CACNB2: variants seen among roughly 807,000 people sequenced by gnomAD.
The protein encoded by CACNB2 is calcium voltage-gated channel auxiliary subunit beta 2.
Under a neutral mutation model 73.3 loss-of-function variants are expected in CACNB2, and 42 were observed. That is an observed-to-expected ratio of 0.57 (90% CI 0.45 to 0.74). The LOEUF (loss-of-function observed/expected upper bound fraction) is 0.74, where lower values mean the gene tolerates loss of function less well. Ranked by LOEUF, CACNB2 falls within the 30% of genes least tolerant of loss-of-function variation. CACNB2 has a pLI of 0.00. For synonymous variants in CACNB2, 348 were observed against 310.3 expected (o/e 1.12, Z -1.28); for missense variants, 940 against 853.0 (o/e 1.10, Z -1.27).
chr10:18,245,479 A>G (rs2036826148), intron 2 of CACNB2, among the ~76,000 whole-genome samples: 1 of 151,948 alleles, frequency 6.6e-6, no homozygotes, highest in Admixed American at 6.6e-5. Context: ...GCACCATCAT[A>G]CCTGGCTAAT....
intron 9 of CACNB2, 42 bp from the exon 10 acceptor site, chr10:18,527,546 A>G: frequency 1.6e-6 from 2 of 1,281,814 alleles, no homozygotes; most frequent in Non-Finnish European, 2.3e-6. Context: ...CTTTGATTAG[A>G]CCAATAACCT....
At chr10:18,309,701 C>T (rs2039885104) in intron 2 of CACNB2, among the ~76,000 whole-genome samples, 1 of 152,146 alleles carries the variant, frequency 6.6e-6, no homozygotes, top group African/African-American at 2.4e-5. Context: ...TTATGATCCA[C>T]CCGCCTCAGC....
chr10:18,519,515 A>G (rs964426767), intron 9 of CACNB2, among the ~76,000 whole-genome samples: 5 of 152,106 alleles, frequency 3.3e-5, no homozygotes, highest in African/African-American at 9.7e-5. Context: ...GCAAGGGCCA[A>G]CCCACCATGT....
At chr10:18,279,621 AT>A (rs1406475203) in intron 2 of CACNB2, among the ~76,000 whole-genome samples, 3 of 152,244 alleles carry the variant, frequency 2.0e-5, no homozygotes, top group Non-Finnish European at 2.9e-5. Context: ...AAGGGTTGGC[AT>A]TTAGTTACTA....
chr10:18,277,487 C>T (rs951608797), intron 2 of CACNB2, among the ~76,000 whole-genome samples: 13 of 152,126 alleles, frequency 8.5e-5, no homozygotes, highest in Non-Finnish European at 1.2e-4. Flanking sequence ...TCTAATACAA[C>T]GAGGAAAATA....
At chr10:18,478,390 C>T (rs774913281) in intron 3 of CACNB2, among the ~76,000 whole-genome samples, 10 of 152,152 alleles carry the variant, frequency 6.6e-5, no homozygotes, top group Non-Finnish European at 1.0e-4. Context: ...TCTCCAATTG[C>T]GACATTCTTC....
At chr10:18,175,214 T>C (rs1221475019) in intron 2 of CACNB2, among the ~76,000 whole-genome samples, 4 of 152,210 alleles carry the variant, frequency 2.6e-5, no homozygotes, top group Non-Finnish European at 4.4e-5. Flanking sequence ...GTTTGAAATA[T>C]GTATTTACAG....
chr10:18,202,346 C>A (rs960212742), intron 2 of CACNB2, among the ~76,000 whole-genome samples: 6 of 152,182 alleles, frequency 3.9e-5, no homozygotes, highest in Admixed American at 3.3e-4. Flanking sequence ...TTTCTAGTTT[C>A]TTCTCTGGCT....
intron 2 of CACNB2, among the ~76,000 whole-genome samples, chr10:18,377,757 T>A (rs1215311853): frequency 6.6e-6 from 1 of 152,170 alleles, no homozygotes; most frequent in Non-Finnish European, 1.5e-5. Context: ...GCAAAAACGT[T>A]ATGCTTTCTC....
chr10:18,436,226 A>G (rs1237943177), intron 3 of CACNB2, among the ~76,000 whole-genome samples: 2 of 152,210 alleles, frequency 1.3e-5, no homozygotes, highest in Non-Finnish European at 2.9e-5. Flanking sequence ...TGCCAGTAAG[A>G]GTTTTTCCCC....
chr10:18,172,048 C>T (rs955495088), intron 2 of CACNB2, among the ~76,000 whole-genome samples: 6 of 152,058 alleles, frequency 3.9e-5, no homozygotes, highest in Non-Finnish European at 5.9e-5. Flanking sequence ...GATTACAAAA[C>T]CAGGATCTTG....
intron 3 of CACNB2, among the ~76,000 whole-genome samples, chr10:18,423,345 T>C (rs769664709): frequency 1.3e-5 from 2 of 152,196 alleles, no homozygotes; most frequent in African/African-American, 2.4e-5. Context: ...TTAGAAACTT[T>C]CTGTTTGGTG....
intron 2 of CACNB2, among the ~76,000 whole-genome samples, chr10:18,292,946 GT>G (rs1480795429): frequency 2.0e-5 from 3 of 152,058 alleles, no homozygotes; most frequent in Non-Finnish European, 4.4e-5. Context: ...CATCATTATG[GT>G]TTTTTGGCAA....
At chr10:18,290,933 C>G (rs7083373) in intron 2 of CACNB2, among the ~76,000 whole-genome samples, 69,287 of 152,160 alleles carry the variant, frequency 0.46, 16,189 homozygotes, top group Middle Eastern at 0.54. Flanking sequence ...CGCCAGCACT[C>G]ATTTCCAGCC....
rs550095193 is a variant in CACNB2 at position 18,535,642 on chromosome 10, G to A, written c.1207-459G>A. ...AAAAAAATTAGCCGGGCGTGGTGGC[G>A]GGTGCCTGTAGTCCTAGCTACTTGG... On this transcript the variant is annotated intron_variant, in intron 11 of 13. Coordinates refer to ENST00000324631, the MANE Select transcript of CACNB2 (RefSeq NM_201596.3). 1.4e-4 allele frequency among the ~76,000 whole-genome samples: 21 copies of A among 152,036 alleles called. No homozygotes were observed. The East Asian group carries it at 3.1e-3, about 22-fold the overall frequency.
At chr10:18,297,664 C>T (rs548866353) in intron 2 of CACNB2, among the ~76,000 whole-genome samples, 2 of 152,290 alleles carry the variant, frequency 1.3e-5, no homozygotes, top group South Asian at 4.1e-4. Context: ...AACCTGAGCC[C>T]AGGGCTGCTC....
intron 2 of CACNB2, among the ~76,000 whole-genome samples, chr10:18,174,513 C>T (rs2033463926): frequency 6.6e-6 from 1 of 151,826 alleles, no homozygotes; most frequent in Non-Finnish European, 1.5e-5. Flanking sequence ...AAGCAATTCT[C>T]CTCCCTCAGC....
intron 2 of CACNB2, among the ~76,000 whole-genome samples, chr10:18,203,795 G>A (rs2034983662): frequency 6.6e-6 from 1 of 152,106 alleles, no homozygotes; most frequent in Non-Finnish European, 1.5e-5. Context: ...TAAAAAAAAA[G>A]ATACTAAATA....
chr10:18,370,605 C>T (rs184963829), intron 2 of CACNB2, among the ~76,000 whole-genome samples: 1 of 152,118 alleles, frequency 6.6e-6, no homozygotes, highest in East Asian at 1.9e-4. Context: ...TGGCCAGAAC[C>T]CACATCTTAA....
Sources: allele counts gnomAD v4.1 joint callset (sites outside exome capture counted in the v4.1 genomes callset), GRCh38; gene constraint gnomAD v4.1.1; transcripts MANE v1.5; gene names NCBI Gene and HGNC (gene_info 2026-07-23, HGNC 2026-07-21).